Variants in RBM19 observed in about 807,000 individuals in gnomAD.
RBM19 encodes the protein probable RNA-binding protein 19.
In RBM19, 94 loss-of-function variants were observed where a neutral mutation model predicts 116.8. The ratio of observed to expected loss-of-function variants is 0.80; its 90% confidence interval spans 0.68 to 0.95. The LOEUF is 0.95. Among genes scored for constraint, RBM19 ranks in the 40% least tolerant of loss-of-function variants. The probability of loss-of-function intolerance (pLI) is 0.00; values close to 1 mark genes in which losing one functional copy is unlikely to be tolerated. For missense variants in RBM19, 1,161 were observed against 1,220.7 expected (o/e 0.95, Z 0.73); for synonymous variants, 475 against 494.1 (o/e 0.96, Z 0.51).
chr12:113,949,934 C>T, intron 9 of RBM19, 149 bp downstream of exon 9: 3 of 696,406 alleles, frequency 4.3e-6, no homozygotes, highest in Non-Finnish European at 7.1e-6. Context: ...TGTTTGCTCC[C>T]TGCCATGTCC....
At chr12:113,959,978 G>A (rs1302135829) in intron 3 of RBM19, 75 bp from the exon 4 acceptor site, 4 of 1,613,506 alleles carry the variant, frequency 2.5e-6, no homozygotes, top group South Asian at 1.1e-5. Context: ...ACTGACCTGG[G>A]AGGGCCCATC....
At chr12:113,911,332 T>C (rs185771672) in intron 21 of RBM19, among the ~76,000 whole-genome samples, 16 of 152,228 alleles carry the variant, frequency 1.1e-4, no homozygotes, top group Admixed American at 3.3e-4. Flanking sequence ...CACAGACGAA[T>C]GGGGCAGAAA....
At chr12:113,959,168 G>A (rs1566044203) in intron 5 of RBM19, 44 bp downstream of exon 5, 11 of 1,573,504 alleles carry the variant, frequency 7.0e-6, no homozygotes, top group Admixed American at 3.4e-5. Flanking sequence ...CCAATGGCAA[G>A]CACAGGTCCG....
intron 22 of RBM19, among the ~76,000 whole-genome samples, chr12:113,852,711 C>T (rs938485124): frequency 5.9e-5 from 9 of 152,218 alleles, no homozygotes; most frequent in Non-Finnish European, 1.2e-4. Context: ...TCTTCACAAA[C>T]GCCTCAAGGG....
At chr12:113,910,639 T>G (rs1320120516) in intron 21 of RBM19, among the ~76,000 whole-genome samples, 1 of 152,198 alleles carries the variant, frequency 6.6e-6, no homozygotes, top group Non-Finnish European at 1.5e-5. Flanking sequence ...GTCTGTACCC[T>G]AGTTTCTTCA....
At chr12:113,954,819 T>C (rs1464665634) in intron 7 of RBM19, among the ~76,000 whole-genome samples, 1 of 152,160 alleles carries the variant, frequency 6.6e-6, no homozygotes, top group Non-Finnish European at 1.5e-5. Context: ...ACAGAGACCG[T>C]GTTGATCACG....
intron 17 of RBM19, among the ~76,000 whole-genome samples, chr12:113,926,538 C>T (rs73397097): frequency 0.023 from 3,508 of 152,246 alleles, 134 homozygotes; most frequent in African/African-American, 0.08. Context: ...TAGAAGCCCC[C>T]GGCCCTCACT....
At position 113,918,420 on chromosome 12, in the gene RBM19, C is replaced by A. The variant is rs574667329; in HGVS notation, c.2413G>T (p.Glu805Ter). 1.2e-6 allele frequency: 2 copies of A among 1,614,096 alleles called. No homozygotes were observed. The highest frequency in any genetic ancestry group is 2.7e-5 in the African/African-American group (2 of 74,942). Residue 805 changes from glutamate (E) to a stop codon, truncating the protein, a stop_gained, in exon 20 of 24, where the codon GAA becomes TAA. Transcript: ENST00000261741. LOFTEE classifies it high-confidence loss of function. ...GTGGCTCGTTCCGAGATCCTCACTT[C>A]CAGCTTGTGGCCGTCCACGACGTGA... ...QGHVVDGHKLEVRISERATKP... is the reference protein window; with the variant it reads ...QGHVVDGHKL
At chr12:113,907,883 C>T (rs1882173471) in intron 21 of RBM19, among the ~76,000 whole-genome samples, 1 of 152,164 alleles carries the variant, frequency 6.6e-6, no homozygotes, top group Non-Finnish European at 1.5e-5. Flanking sequence ...CTTAACTCTG[C>T]TGCGGAAGCC....
intron 23 of RBM19, among the ~76,000 whole-genome samples, chr12:113,841,524 A>G (rs1213566722): frequency 6.6e-6 from 1 of 151,372 alleles, no homozygotes; most frequent in Non-Finnish European, 1.5e-5. Context: ...CCCGGGTTCA[A>G]GTGCTTCTCC....
chr12:113,921,000 C>T (rs1868509779), intron 18 of RBM19, among the ~76,000 whole-genome samples: 1 of 152,318 alleles, frequency 6.6e-6, no homozygotes, highest in African/African-American at 2.4e-5. Context: ...AGATGACCAT[C>T]ATGAAGGCAA....
intron 22 of RBM19, 123 bp downstream of exon 22, chr12:113,858,668 G>A: frequency 1.1e-6 from 1 of 881,134 alleles, no homozygotes; most frequent in Non-Finnish European, 1.8e-6. Flanking sequence ...AGAAACAAAG[G>A]CAAAAAAAGA....
At chr12:113,821,026 C>T (rs367933416), downstream of RBM19, among the ~76,000 whole-genome samples, 4 of 152,190 alleles carry the variant, frequency 2.6e-5, no homozygotes, top group African/African-American at 9.6e-5. Context: ...GGCCTGATAA[C>T]GCTTTTGTGA....
chr12:113,827,058 G>A (rs1237272754), intron 23 of RBM19, among the ~76,000 whole-genome samples: 2 of 152,134 alleles, frequency 1.3e-5, no homozygotes, highest in Non-Finnish European at 2.9e-5. Flanking sequence ...CCTCCCGCTG[G>A]CCCTGCTTCC....
chr12:113,823,775 G>A (rs998142254), intron 23 of RBM19, among the ~76,000 whole-genome samples: 3 of 152,148 alleles, frequency 2.0e-5, no homozygotes, highest in African/African-American at 7.2e-5. Context: ...GCTTGGCTTG[G>A]AGGAAGCTGA....
chr12:113,845,670 C>T (rs1876904639), intron 22 of RBM19, among the ~76,000 whole-genome samples: 1 of 152,124 alleles, frequency 6.6e-6, no homozygotes, highest in Non-Finnish European at 1.5e-5. Flanking sequence ...ATATTCTGGA[C>T]ATTTCATAGG....
At chr12:113,827,632 G>A (rs1037510200) in intron 23 of RBM19, among the ~76,000 whole-genome samples, 7 of 152,134 alleles carry the variant, frequency 4.6e-5, no homozygotes, top group Non-Finnish European at 1.0e-4. Flanking sequence ...CTGATAAGGG[G>A]AGAAGGGAGT....
At chr12:113,871,516 C>T (rs1230647131) in intron 21 of RBM19, among the ~76,000 whole-genome samples, 1 of 152,216 alleles carries the variant, frequency 6.6e-6, no homozygotes, top group Admixed American at 6.5e-5. Flanking sequence ...TGCTCTGTAG[C>T]GTGAAAGCGG....
chr12:113,890,750 G>A (rs911798733), intron 21 of RBM19, among the ~76,000 whole-genome samples: 9 of 152,210 alleles, frequency 5.9e-5, no homozygotes, highest in African/African-American at 9.7e-5. Flanking sequence ...TTCTCCCAAG[G>A]GATGCTGTGT....
Sources: gnomAD v4.1 joint callset for allele counts (sites outside exome capture counted in the v4.1 genomes callset) on GRCh38, gnomAD v4.1.1 for gene constraint, MANE v1.5 for transcripts, NCBI Gene and HGNC (gene_info 2026-07-23, HGNC 2026-07-21) for gene names.